IL1RAPL1: variants seen among roughly 807,000 people sequenced by gnomAD.
IL1RAPL1 encodes the protein interleukin 1 receptor accessory protein like 1.
In IL1RAPL1, 3 loss-of-function variants were observed where a neutral mutation model predicts 48.4. The observed-to-expected ratio is 0.06, with a 90% CI of 0.03 to 0.16. The LOEUF is 0.16. Among genes scored for constraint, IL1RAPL1 ranks in the 10% least tolerant of loss-of-function variants. The probability of loss-of-function intolerance (pLI) is 1.00; values close to 1 mark genes in which losing one functional copy is unlikely to be tolerated. For synonymous variants in IL1RAPL1, 185 were observed against 187.7 expected, an observed-to-expected ratio of 0.99 and a Z score of 0.12; for missense variants, 349 against 530.6, an observed-to-expected ratio of 0.66 and a Z score of 3.36.
intron 2 of IL1RAPL1, among the ~76,000 whole-genome samples, chrX:28,878,465 G>T (rs767997710): frequency 1.8e-5 from 2 of 112,226 alleles, no homozygotes; most frequent in East Asian, 5.6e-4. Context: ...CAGGCGGTGT[G>T]CATGTGTCAC....
intron 3 of IL1RAPL1, among the ~76,000 whole-genome samples, chrX:29,289,603 C>G (rs1183646800): frequency 9.0e-6 from 1 of 111,661 alleles, no homozygotes; most frequent in East Asian, 2.8e-4. Flanking sequence ...TCTATGTCTA[C>G]AAAAATCCTT....
chrX:29,827,472 C>A (rs906231908), intron 6 of IL1RAPL1, among the ~76,000 whole-genome samples: 1 of 111,868 alleles, frequency 8.9e-6, no homozygotes, highest in Non-Finnish European at 1.9e-5. Context: ...AGCACCTAAC[C>A]TTTCAAGTGG....
chrX:28,644,636 T>C (rs1484669936), intron 1 of IL1RAPL1, among the ~76,000 whole-genome samples: 2 of 111,330 alleles, frequency 1.8e-5, no homozygotes, highest in Non-Finnish European at 3.8e-5. Context: ...TAATCCCTAC[T>C]AATAAGCTCT....
At chrX:29,538,888 C>A (rs1921336346) in intron 5 of IL1RAPL1, among the ~76,000 whole-genome samples, 1 of 111,398 alleles carries the variant, frequency 9.0e-6, no homozygotes, top group Admixed American at 9.6e-5. Context: ...AGCTGCCTTT[C>A]TTTTGCAAGA....
chrX:28,704,823 CACACACACAAAAAA>C (rs1428347333), intron 1 of IL1RAPL1, among the ~76,000 whole-genome samples: 5 of 46,354 alleles, frequency 1.1e-4, no homozygotes, highest in African/African-American at 6.3e-4. Flanking sequence ...CACACACACA[CACACACACAAAAAA>C]AAAAAAAAAA....
chrX:28,656,776 C>T (rs1180779539), intron 1 of IL1RAPL1, among the ~76,000 whole-genome samples: 2 of 111,412 alleles, frequency 1.8e-5, no homozygotes, highest in African/African-American at 6.5e-5. Context: ...CCTGTAATCC[C>T]AGCACTTTGG....
Position 29,084,876 on chromosome X carries a change from A to G in IL1RAPL1, c.83-198062A>G, listed in dbSNP as rs1160613904. 2.7e-5 allele frequency among the ~76,000 whole-genome samples: 3 copies of G among 111,891 alleles called. No homozygotes were observed. The East Asian group carries it at 8.4e-4, about 31-fold the overall frequency. Reference sequence around the variant, plus strand: ...CTGGCTAATTTTTTGTATTTTTAGTAGAGACGGGGTTTCGCCATGTTGGGC... The same window carrying G: ...CTGGCTAATTTTTTGTATTTTTAGTGGAGACGGGGTTTCGCCATGTTGGGC... On this transcript the variant is annotated intron_variant, in intron 2 of 10. Transcript: ENST00000378993.
intron 6 of IL1RAPL1, among the ~76,000 whole-genome samples, chrX:29,791,726 C>CTTTTTTTT: frequency 1.3e-5 from 1 of 75,389 alleles, no homozygotes; most frequent in Non-Finnish European, 2.5e-5. Context: ...GCCCAGCCTT[C>CTTTTTTTT]TTTTTTTTTT....
intron 2 of IL1RAPL1, among the ~76,000 whole-genome samples, chrX:29,077,009 T>C (rs758782998): frequency 1.8e-5 from 2 of 112,324 alleles, no homozygotes; most frequent in East Asian, 5.6e-4. Context: ...GTGGCTGTAA[T>C]AGTCCAAGTA....
intron 6 of IL1RAPL1, among the ~76,000 whole-genome samples, chrX:29,823,070 G>A (rs1930655143): frequency 8.9e-6 from 1 of 112,086 alleles, no homozygotes; most frequent in Admixed American, 9.5e-5. Context: ...AACTTGGGAA[G>A]ATTGTGCATG....
At chrX:29,881,989 A>G (rs1343008635) in intron 6 of IL1RAPL1, among the ~76,000 whole-genome samples, 2 of 111,217 alleles carry the variant, frequency 1.8e-5, no homozygotes, top group Non-Finnish European at 3.8e-5. Flanking sequence ...ACCCTTGCAA[A>G]AGTTACATGT....
At chrX:29,752,745 T>G (rs1399616687) in intron 6 of IL1RAPL1, among the ~76,000 whole-genome samples, 1 of 111,265 alleles carries the variant, frequency 9.0e-6, no homozygotes, top group Non-Finnish European at 1.9e-5. Context: ...CTACCTTCAT[T>G]GCAATTTTTC....
intron 1 of IL1RAPL1, among the ~76,000 whole-genome samples, chrX:28,615,212 T>G (rs868099421): frequency 1.1e-4 from 8 of 72,073 alleles, no homozygotes; most frequent in Admixed American, 3.4e-4. Context: ...TTTTTTTTTT[T>G]TTTTTTTTTT....
At chrX:29,588,816 C>A (rs929525477) in intron 5 of IL1RAPL1, among the ~76,000 whole-genome samples, 5 of 112,012 alleles carry the variant, frequency 4.5e-5, no homozygotes, top group Non-Finnish European at 7.5e-5. Context: ...TAAAACCAGG[C>A]ACCAGCTGAT....
intron 2 of IL1RAPL1, among the ~76,000 whole-genome samples, chrX:28,820,328 C>T (rs896391860): frequency 3.7e-5 from 4 of 109,572 alleles, no homozygotes; most frequent in African/African-American, 1.3e-4. Context: ...CCTGCTTCTT[C>T]CTTATAAGTG....
chrX:29,490,959 A>G (rs929358919), intron 5 of IL1RAPL1, among the ~76,000 whole-genome samples: 6 of 110,551 alleles, frequency 5.4e-5, no homozygotes, highest in Admixed American at 9.6e-5. Flanking sequence ...GTCAGAAGTT[A>G]TAAATAAATA....
At chrX:29,219,821 C>T (rs955600539) in intron 2 of IL1RAPL1, among the ~76,000 whole-genome samples, 1 of 111,428 alleles carries the variant, frequency 9.0e-6, no homozygotes, top group Non-Finnish European at 1.9e-5. Flanking sequence ...CTTCCTGCTA[C>T]TCTTTCAGAA....
intron 6 of IL1RAPL1, among the ~76,000 whole-genome samples, chrX:29,816,542 A>T (rs1246089244): frequency 9.0e-6 from 1 of 110,606 alleles, no homozygotes; most frequent in East Asian, 2.8e-4. Context: ...AAAAAAAAAA[A>T]TTGAGGAGTA....
At chrX:28,609,411 T>C (rs189391300) in intron 1 of IL1RAPL1, among the ~76,000 whole-genome samples, 226 of 111,273 alleles carry the variant, frequency 2.0e-3, no homozygotes, top group Middle Eastern at 9.2e-3. Context: ...CTGTTACCTA[T>C]GTAAAATGAT....
Sources: gnomAD v4.1 joint callset for allele counts (sites outside exome capture counted in the v4.1 genomes callset) on GRCh38, gnomAD v4.1.1 for gene constraint, MANE v1.5 for transcripts, NCBI Gene and HGNC (gene_info 2026-07-23, HGNC 2026-07-21) for gene names.